The following TTLL8 variants were observed in gnomAD, a reference collection of about 807,000 sequenced individuals.
The protein encoded by TTLL8 is protein monoglycylase TTLL8.
TTLL8 carries 65 observed loss-of-function variants against 77.8 expected under a neutral mutation model. The observed-to-expected ratio is 0.84, with a 90% CI of 0.68 to 1.03. TTLL8 has a LOEUF of 1.03. Ranked by LOEUF, TTLL8 falls within the 50% of genes least tolerant of loss-of-function variation. The pLI, the probability that TTLL8 is intolerant of heterozygous loss-of-function variation, is 0.00. For synonymous variants in TTLL8, 402 were observed against 422.8 expected, an observed-to-expected ratio of 0.95 and a Z score of 0.60; for missense variants, 910 against 1,004.5, an observed-to-expected ratio of 0.91 and a Z score of 1.27.
chr22:50,041,447 C>T lies in TTLL8; in HGVS notation c.831-170G>A. Reference sequence around the variant, plus strand: ...ACACCACAATACTCAACAAGCATCCCAGACATCCAGACAGGAGCCCCAACG... The same window carrying T: ...ACACCACAATACTCAACAAGCATCCTAGACATCCAGACAGGAGCCCCAACG... On this transcript the variant is annotated intron_variant, in intron 7 of 13. Coordinates refer to ENST00000266182, the Ensembl canonical transcript of TTLL8. The surrounding 1 kb of genome is among the most constrained non-coding windows in gnomAD (Gnocchi z 4.3). The T allele has an allele frequency of 1.1e-6, 1 of 913,704 alleles. No individual in the cohort carries two copies. Among genetic ancestry groups the T allele is most frequent in the Non-Finnish European group, 1.3e-6 (1 of 764,650 alleles). The allele number at this position is 913,704 out of a possible 1,614,324, so 56.6% of individuals were successfully genotyped here. A position where few individuals can be genotyped will look rare whatever the true frequency, so the allele number is the denominator to read the frequency against.
At position 50,044,595 on chromosome 22, in the gene TTLL8, C is replaced by T. The variant is rs1362847183; in HGVS notation, c.643+660G>A. On this transcript the variant is annotated intron_variant, in intron 6 of 13. Coordinates refer to ENST00000266182, the Ensembl canonical transcript of TTLL8. The surrounding 1 kb of genome is among the most constrained non-coding windows in gnomAD (Gnocchi z 4.2). ...CAGCCTCCTGATTGGCACAAATCACCGTTTGCTCAAATACACTCTAAAAGT... is the reference window on the plus strand; with the variant it reads ...CAGCCTCCTGATTGGCACAAATCACTGTTTGCTCAAATACACTCTAAAAGT... Among the ~76,000 whole-genome samples the T allele has an allele frequency of 6.6e-6, 1 of 152,170 alleles. No individual in the cohort carries two copies. Among genetic ancestry groups the T allele is most frequent in the African/African-American group, 2.4e-5 (1 of 41,442 alleles).
At chr22:50,036,240 T>C (rs866952586) in intron 8 of TTLL8, among the ~76,000 whole-genome samples, 30 of 152,238 alleles carry the variant, frequency 2.0e-4, no homozygotes, top group African/African-American at 6.3e-4. Context: ...CAGCCGGGAA[T>C]CTCCCCTGGA....
At chr22:50,026,896 G>T (rs915360517) in intron 12 of TTLL8, among the ~76,000 whole-genome samples, 1 of 152,090 alleles carries the variant, frequency 6.6e-6, no homozygotes, top group East Asian at 1.9e-4. Context: ...CAAAGAACCC[G>T]GTTAAATGAA....
chr22:50,057,540 G>GGTC (rs1569237225), upstream of TTLL8, among the ~76,000 whole-genome samples: 9 of 32,304 alleles, frequency 2.8e-4, 1 homozygote, highest in African/African-American at 2.3e-3. Context: ...GGTTGAGCGG[G>GGTC]AGGTCTGGGT....
At chr22:50,040,920 G>A (rs899796393) in intron 8 of TTLL8, among the ~76,000 whole-genome samples, 7 of 152,136 alleles carry the variant, frequency 4.6e-5, no homozygotes, top group Non-Finnish European at 1.0e-4. Flanking sequence ...GAAGAACTGG[G>A]CCCTCAGCAG....
chr22:50,053,885 C>T (rs150940324), intron 1 of TTLL8, among the ~76,000 whole-genome samples: 70 of 152,086 alleles, frequency 4.6e-4, no homozygotes, highest in Non-Finnish European at 7.5e-4. Flanking sequence ...GCTCTCCGTC[C>T]GGGTGTGTCC....
intron 12 of TTLL8, chr22:50,027,837 C>T (rs926826685): frequency 1.7e-5 from 17 of 982,182 alleles, no homozygotes; most frequent in Non-Finnish European, 2.1e-5. Context: ...AGTCTGGAAG[C>T]AAGCCCAGCT....
intron 12 of TTLL8, chr22:50,027,592 C>G: frequency 1.0e-6 from 1 of 974,396 alleles, no homozygotes; most frequent in East Asian, 1.1e-4. Context: ...TCAAGGTGAT[C>G]CCAGTCAAAG....
chr22:50,020,876 C>A (rs1601902043), intron 12 of TTLL8, among the ~76,000 whole-genome samples: 1 of 135,172 alleles, frequency 7.4e-6, no homozygotes, highest in Admixed American at 7.5e-5. Context: ...GTGCACTCCT[C>A]CATCTGACGT....
At chr22:50,050,115 C>G (rs751153066) in exon 2 of TTLL8, 3 of 1,366,948 alleles carry the variant, frequency 2.2e-6, no homozygotes, top group Admixed American at 3.8e-5. Context: ...CTACCATTGA[C>G]CCGGGCGCCT....
At chr22:50,045,651 AG>A in intron 5 of TTLL8, 2 of 673,794 alleles carry the variant, frequency 3.0e-6, no homozygotes, top group Non-Finnish European at 3.7e-6. Flanking sequence ...CCACAAGCCT[AG>A]CACAGAACCA....
chr22:50,056,226 A>C (rs1264420009), upstream of TTLL8, among the ~76,000 whole-genome samples: 3 of 152,264 alleles, frequency 2.0e-5, no homozygotes, highest in East Asian at 5.8e-4. This position sits in a 1 kb window ranked among gnomAD's most constrained non-coding sequence, Gnocchi z 4.1. Flanking sequence ...ATGAGGCCAT[A>C]GCGCGATTTA....
chr22:50,034,335 G>A lies in TTLL8; in HGVS notation c.1039+10C>T. 3 of 1,363,170 alleles carry A rather than the reference G, an allele frequency of 2.2e-6. No homozygotes were observed. The highest frequency in any genetic ancestry group is 2.9e-6 in the Non-Finnish European group (3 of 1,020,714). 84.4% of individuals were successfully genotyped at this position (1,363,170 alleles called of 1,614,324 possible). On this transcript the variant is annotated intron_variant, in intron 9 of 13. Coordinates refer to ENST00000266182, the Ensembl canonical transcript of TTLL8. The surrounding 1 kb of genome is among the most constrained non-coding windows in gnomAD (Gnocchi z 4.1). Reference sequence around the variant, plus strand: ...GGTGGCTATGAACGCGGTGCAGGGAGCATCCGCACCAGGGGACTCACCTCG... The same window carrying A: ...GGTGGCTATGAACGCGGTGCAGGGAACATCCGCACCAGGGGACTCACCTCG...
upstream of TTLL8, among the ~76,000 whole-genome samples, chr22:50,057,993 G>A (rs368004229): frequency 2.0e-5 from 3 of 151,858 alleles, no homozygotes; most frequent in African/African-American, 4.8e-5. Flanking sequence ...CTAGGGTAAG[G>A]GGTCTAGAAT....
At chr22:50,055,010 A>G (rs1287179749), upstream of TTLL8, among the ~76,000 whole-genome samples, 1 of 152,168 alleles carries the variant, frequency 6.6e-6, no homozygotes, top group Non-Finnish European at 1.5e-5. Context: ...TGGTAAGCTG[A>G]GATCGTGCCA....
At chr22:50,055,167 A>C (rs557762647), upstream of TTLL8, 290 of 1,262,052 alleles carry the variant, frequency 2.3e-4, no homozygotes, top group Non-Finnish European at 2.8e-4. Context: ...GACAGATTCC[A>C]AGTTCCAAAA....
At chr22:50,056,455 T>C (rs1359632172), upstream of TTLL8, among the ~76,000 whole-genome samples, 3 of 152,136 alleles carry the variant, frequency 2.0e-5, no homozygotes, top group Non-Finnish European at 4.4e-5. This position sits in a 1 kb window ranked among gnomAD's most constrained non-coding sequence, Gnocchi z 4.1. Context: ...TTGGGGGACC[T>C]TCTAAAGCTA....
rs564438113 is a variant in TTLL8 at position 50,053,843 on chromosome 22, ACTGT to A, written c.51+729_51+732del. The stretch of plus-strand genomic sequence containing the variant: ...GGGTGATGGAACGGTCTTTATGGAG[ACTGT>A]CTGACTGCCCATATTTGTACACGTT... On this transcript the variant is annotated intron_variant, in intron 1 of 13. Coordinates refer to ENST00000266182, the Ensembl canonical transcript of TTLL8. 1.9e-4 allele frequency among the ~76,000 whole-genome samples: 29 copies of A among 152,260 alleles called. 1 individual carries two copies. Among genetic ancestry groups the A allele is most frequent in the South Asian group, 1.0e-3 (5 of 4,814 alleles).
exon 12 of TTLL8, chr22:50,030,455 C>T (rs538596096): frequency 1.1e-5 from 15 of 1,336,930 alleles, no homozygotes; most frequent in Admixed American, 4.0e-5. Context: ...GCGGACGCAG[C>T]GCGCCCTCTG....
Sources: gnomAD v4.1 joint callset for allele counts (sites outside exome capture counted in the v4.1 genomes callset) on GRCh38, gnomAD v4.1.1 for gene constraint, Gnocchi (gnomAD v3.1) non-coding constraint, MANE v1.5 for transcripts, NCBI Gene and HGNC (gene_info 2026-07-23, HGNC 2026-07-21) for gene names.